ESRRB: variants seen among roughly 807,000 people sequenced by gnomAD.
ESRRB encodes the protein estrogen related receptor beta.
Under a neutral mutation model 46.0 loss-of-function variants are expected in ESRRB, and 16 were observed. That is an observed-to-expected ratio of 0.35 (90% CI 0.24 to 0.53). The LOEUF is 0.53. Among genes scored for constraint, ESRRB ranks in the 20% least tolerant of loss-of-function variants. The pLI, the probability that ESRRB is intolerant of heterozygous loss-of-function variation, is 0.93. For synonymous variants in ESRRB, 246 were observed against 259.6 expected (o/e 0.95, Z 0.50); for missense variants, 488 against 607.4 (o/e 0.80, Z 2.07).
At chr14:76,463,693 C>T (rs953942097) in intron 3 of ESRRB, among the ~76,000 whole-genome samples, 7 of 151,824 alleles carry the variant, frequency 4.6e-5, no homozygotes, top group Non-Finnish European at 7.4e-5. Context: ...GTGATCTGCC[C>T]GTCTCAGCCT....
intron 1 of ESRRB, among the ~76,000 whole-genome samples, chr14:76,356,366 A>T (rs1034496222): frequency 6.6e-6 from 1 of 151,600 alleles, no homozygotes; most frequent in Non-Finnish European, 1.5e-5. Flanking sequence ...TCTCACAATC[A>T]CTCTAGGAGG....
chr14:76,416,419 G>T (rs937129543), intron 1 of ESRRB, among the ~76,000 whole-genome samples: 6 of 150,030 alleles, frequency 4.0e-5, no homozygotes, highest in Non-Finnish European at 3.0e-5. Flanking sequence ...CCTGCGCCCC[G>T]CCTCTATTTT....
At position 76,499,333 on chromosome 14, in the gene ESRRB, G is replaced by C. The variant is rs886350831; in HGVS notation, c.*875G>C. The C allele has an allele frequency of 2.9e-5, 7 of 242,620 alleles. No homozygotes were observed. Among genetic ancestry groups the C allele is most frequent in the Non-Finnish European group, 8.1e-6 (1 of 123,360 alleles). The allele number at this position is 242,620 out of a possible 1,614,324, so 15.0% of individuals were successfully genotyped here. ...CCTGCCTTCCCCCTCTCCCTGAAGG[G>C]CAGGTCCAGGCCAAGTGAGCCTGTG... On this transcript the variant is annotated 3_prime_UTR_variant, in exon 7 of 7. Coordinates refer to ENST00000644823, the MANE Select transcript of ESRRB (RefSeq NM_001379180.1).
At chr14:76,452,360 C>T (rs1261472365) in intron 2 of ESRRB, among the ~76,000 whole-genome samples, 1 of 152,102 alleles carries the variant, frequency 6.6e-6, no homozygotes, top group Non-Finnish European at 1.5e-5. Flanking sequence ...GGCACAGTAG[C>T]TCACACTTGT....
At chr14:76,489,315 G>T (rs1890129317) in intron 5 of ESRRB, among the ~76,000 whole-genome samples, 1 of 151,842 alleles carries the variant, frequency 6.6e-6, no homozygotes, top group African/African-American at 2.4e-5. Flanking sequence ...GTTGCCCAAG[G>T]CCTCTCTCCT....
chr14:76,393,967 A>ATT (rs71122531), intron 1 of ESRRB, among the ~76,000 whole-genome samples: 24,043 of 126,510 alleles, frequency 0.19, 2,536 homozygotes, highest in South Asian at 0.23. Context: ...TGCCTGGCTA[A>ATT]TTTTTTTTTT....
intron 1 of ESRRB, among the ~76,000 whole-genome samples, chr14:76,333,021 T>A (rs1233981050): frequency 8.1e-5 from 1 of 12,348 alleles, no homozygotes; most frequent in African/African-American, 2.5e-4. Context: ...ATTTATATAT[T>A]ATATATTATA....
intron 1 of ESRRB, among the ~76,000 whole-genome samples, chr14:76,420,171 C>G (rs181781143): frequency 3.9e-5 from 6 of 152,164 alleles, no homozygotes; most frequent in Admixed American, 2.6e-4. Context: ...TCATGACTAG[C>G]GGGCAGCTTC....
chr14:76,393,592 G>A (rs1033523197), intron 1 of ESRRB, among the ~76,000 whole-genome samples: 12 of 152,166 alleles, frequency 7.9e-5, no homozygotes, highest in Non-Finnish European at 1.6e-4. Context: ...GAGGCCCCTG[G>A]CAGTCAGGAG....
intron 1 of ESRRB, among the ~76,000 whole-genome samples, chr14:76,318,733 G>T (rs1012708095): frequency 2.6e-5 from 4 of 152,212 alleles, no homozygotes; most frequent in Non-Finnish European, 4.4e-5. Context: ...TGCTGTGGGT[G>T]AGGATGATGA....
At chr14:76,453,298 TCA>T (rs1326832039) in intron 2 of ESRRB, among the ~76,000 whole-genome samples, 1 of 152,216 alleles carries the variant, frequency 6.6e-6, no homozygotes, top group Non-Finnish European at 1.5e-5. Context: ...GGGCTGCCTG[TCA>T]CAGTTACCAT....
At chr14:76,369,510 G>C (rs997870379), upstream of ESRRB, among the ~76,000 whole-genome samples, 1 of 152,012 alleles carries the variant, frequency 6.6e-6, no homozygotes, top group African/African-American at 2.4e-5. Context: ...CTGAGCTCAG[G>C]TGATCCACCT....
intron 1 of ESRRB, among the ~76,000 whole-genome samples, chr14:76,346,699 G>A (rs1884254596): frequency 6.6e-6 from 1 of 152,184 alleles, no homozygotes. Context: ...TCCCCCACAT[G>A]CCCAGACCAC....
At chr14:76,348,286 C>T (rs1436683525) in intron 1 of ESRRB, among the ~76,000 whole-genome samples, 1 of 152,152 alleles carries the variant, frequency 6.6e-6, no homozygotes, top group Non-Finnish European at 1.5e-5. Flanking sequence ...AGACCCAGCC[C>T]TGTGGTGGGT....
chr14:76,492,803 A>T (rs188461337), intron 6 of ESRRB, among the ~76,000 whole-genome samples: 3 of 152,332 alleles, frequency 2.0e-5, no homozygotes, highest in Admixed American at 2.0e-4. Context: ...TTCTGGCTAG[A>T]TTATCTGAGG....
rs150796571 is a variant in ESRRB at position 76,345,636 on chromosome 14, A to T, written c.2+34720A>T. On this transcript the variant is annotated intron_variant, in intron 1 of 6. Coordinates refer to the ESRRB transcript ENST00000512784. Reference sequence around the variant, plus strand: ...AGCCACTATGGAAAACAGTGTGGAGATTCGTGAAAGAACTAAAAGTAGAAC... The same window carrying T: ...AGCCACTATGGAAAACAGTGTGGAGTTTCGTGAAAGAACTAAAAGTAGAAC... 2.5e-3 allele frequency among the ~76,000 whole-genome samples: 346 copies of T among 138,958 alleles called. 3 individuals are homozygous for T. Among genetic ancestry groups the T allele is most frequent in the African/African-American group, 8.7e-3 (320 of 36,632 alleles). 91.2% of individuals were successfully genotyped at this position (138,958 alleles called of 152,430 possible). A position where few individuals can be genotyped will look rare whatever the true frequency, so the allele number is the denominator to read the frequency against.
At chr14:76,382,833 T>C (rs962438195) in intron 1 of ESRRB, among the ~76,000 whole-genome samples, 10 of 152,218 alleles carry the variant, frequency 6.6e-5, no homozygotes, top group African/African-American at 2.4e-5. Flanking sequence ...GGTCTGAAAG[T>C]TTCTTTTTTA....
intron 1 of ESRRB, among the ~76,000 whole-genome samples, chr14:76,384,347 G>A (rs1008226683): frequency 2.6e-5 from 4 of 152,094 alleles, no homozygotes; most frequent in Non-Finnish European, 4.4e-5. Context: ...CCCAAAAAGC[G>A]CAAAGCAATT....
intron 2 of ESRRB, among the ~76,000 whole-genome samples, chr14:76,452,125 A>G (rs1888407838): frequency 6.6e-6 from 1 of 151,262 alleles, no homozygotes; most frequent in African/African-American, 2.4e-5. Context: ...TATTTTAAGT[A>G]GAAAGGGGGT....
Sources: gnomAD v4.1 joint callset for allele counts (sites outside exome capture counted in the v4.1 genomes callset) on GRCh38, gnomAD v4.1.1 for gene constraint, MANE v1.5 for transcripts, NCBI Gene and HGNC (gene_info 2026-07-23, HGNC 2026-07-21) for gene names.